GNAT3: variants seen among roughly 807,000 people sequenced by gnomAD.
GNAT3 encodes the protein G protein subunit alpha transducin 3.
A neutral mutation model predicts 37.7 loss-of-function variants in GNAT3; 31 were observed. The ratio of observed to expected loss-of-function variants is 0.82; its 90% CI spans 0.62 to 1.11. The LOEUF (loss-of-function observed/expected upper bound fraction) is 1.11, where lower values mean the gene tolerates loss of function less well. Among genes scored for constraint, GNAT3 ranks in the 50% most tolerant of loss-of-function variants. GNAT3 has a pLI of 0.00. For synonymous variants in GNAT3, 138 were observed against 139.8 expected, an observed-to-expected ratio of 0.99 and a Z score of 0.09; for missense variants, 437 against 412.5, an observed-to-expected ratio of 1.06 and a Z score of -0.51.
chr7:80,476,664 AG>A (rs1248730002), intron 4 of GNAT3, among the ~76,000 whole-genome samples: 1 of 151,810 alleles, frequency 6.6e-6, no homozygotes, highest in Non-Finnish European at 1.5e-5. Flanking sequence ...AAAAGAAAAA[AG>A]TGTTAGAGAC....
intron 1 of GNAT3, among the ~76,000 whole-genome samples, chr7:80,494,848 C>T (rs888641604): frequency 6.6e-6 from 1 of 151,976 alleles, no homozygotes; most frequent in East Asian, 1.9e-4. Flanking sequence ...GTGCATTGTA[C>T]CCAACAGGTA....
chr7:80,473,218 C>T (rs1000413162), intron 5 of GNAT3, among the ~76,000 whole-genome samples: 1 of 152,144 alleles, frequency 6.6e-6, no homozygotes, highest in Non-Finnish European at 1.5e-5. Flanking sequence ...ATCTTTGGCT[C>T]ATCTTTCAGA....
chr7:80,477,290 T>G (rs1271698135), intron 4 of GNAT3, among the ~76,000 whole-genome samples: 1 of 152,168 alleles, frequency 6.6e-6, no homozygotes, highest in East Asian at 1.9e-4. Flanking sequence ...CTAAGCAAGA[T>G]TTTATGGAAA....
At chr7:80,464,140 G>T (rs1014052986) in intron 5 of GNAT3, among the ~76,000 whole-genome samples, 4 of 149,288 alleles carry the variant, frequency 2.7e-5, no homozygotes, top group African/African-American at 9.7e-5. Context: ...ATATCCTATA[G>T]GATATCCAAA....
At chr7:80,503,101 A>T (rs997100039) in intron 1 of GNAT3, among the ~76,000 whole-genome samples, 1 of 152,126 alleles carries the variant, frequency 6.6e-6, no homozygotes, top group African/African-American at 2.4e-5. Context: ...TAGTTAAAAA[A>T]CCTATCAATA....
chr7:80,500,246 C>A (rs1003546813), intron 1 of GNAT3, among the ~76,000 whole-genome samples: 2 of 149,094 alleles, frequency 1.3e-5, no homozygotes, highest in African/African-American at 5.0e-5. Context: ...TTTTTTTGGC[C>A]TACACTCAGC....
chr7:80,488,672 T>G lies in GNAT3; in HGVS notation c.166A>C (p.Ile56Leu). The G allele has an allele frequency of 2.5e-6, 4 of 1,570,324 alleles. No homozygotes were observed. Among genetic ancestry groups the G allele is most frequent in the Non-Finnish European group, 3.5e-6 (4 of 1,154,458 alleles). Residue 56 changes from isoleucine (I) to leucine (L), a missense_variant, in exon 3 of 8, where the codon ATC becomes CTC. Ile to Leu is a conservative substitution (Grantham distance 5). Transcript: ENST00000398291. Reference sequence around the variant, plus strand: ...TGCTCACTGTAACCATTCTTATGGATGATCCTATAATTTAAACATGAAAAG... The same window carrying G: ...TGCTCACTGTAACCATTCTTATGGAGGATCCTATAATTTAAACATGAAAAG... ...KSTIVKQMKI[I>L]HKNGYSEQEC...
intron 1 of GNAT3, among the ~76,000 whole-genome samples, chr7:80,495,496 A>C (rs942677858): frequency 5.3e-5 from 8 of 150,718 alleles, no homozygotes; most frequent in African/African-American, 1.7e-4. Context: ...TTTGAGATCG[A>C]GTCCCACTCT....
chr7:80,487,653 T>C (rs1448610447), intron 3 of GNAT3: 2 of 152,176 alleles, frequency 1.3e-5, no homozygotes, highest in Non-Finnish European at 2.9e-5. Context: ...ATCCTTACTA[T>C]GCTTTTGCTC....
intron 2 of GNAT3, among the ~76,000 whole-genome samples, chr7:80,493,784 A>T (rs6966044): frequency 0.2 from 5,264 of 26,800 alleles, 288 homozygotes; most frequent in Middle Eastern, 0.36. Flanking sequence ...TTCCTCCTCC[A>T]CCTCTTTCCT....
At chr7:80,481,328 A>T (rs1302128009) in intron 3 of GNAT3, among the ~76,000 whole-genome samples, 1 of 152,102 alleles carries the variant, frequency 6.6e-6, no homozygotes, top group African/African-American at 2.4e-5. Context: ...TGGCCAACAG[A>T]ATTCCAAAGT....
At chr7:80,496,351 A>C (rs1411788374) in intron 1 of GNAT3, among the ~76,000 whole-genome samples, 2 of 151,996 alleles carry the variant, frequency 1.3e-5, no homozygotes, top group African/African-American at 4.8e-5. Context: ...GGCTAGTCTC[A>C]AACTCTTGGC....
At chr7:80,508,534 A>G (rs1790993059) in intron 1 of GNAT3, among the ~76,000 whole-genome samples, 1 of 152,026 alleles carries the variant, frequency 6.6e-6, no homozygotes, top group Non-Finnish European at 1.5e-5. Flanking sequence ...ATATCTTTGC[A>G]AGTAAATTTT....
At chr7:80,459,093 C>G (rs1185138391) in intron 7 of GNAT3, among the ~76,000 whole-genome samples, 1 of 151,944 alleles carries the variant, frequency 6.6e-6, no homozygotes. Flanking sequence ...GTAGAAATCC[C>G]AAAATATTTA....
At chr7:80,459,494 A>G (rs990380996) in intron 7 of GNAT3, among the ~76,000 whole-genome samples, 2 of 152,206 alleles carry the variant, frequency 1.3e-5, no homozygotes, top group Admixed American at 1.3e-4. Flanking sequence ...GCGATATAAA[A>G]GGCTATAGAG....
At chr7:80,504,383 A>T (rs1028245205) in intron 1 of GNAT3, among the ~76,000 whole-genome samples, 2 of 152,180 alleles carry the variant, frequency 1.3e-5, no homozygotes, top group Non-Finnish European at 1.5e-5. Context: ...TCTGTGAGGG[A>T]TAACTTTTTA....
intron 1 of GNAT3, among the ~76,000 whole-genome samples, chr7:80,503,338 T>C (rs1790871694): frequency 6.6e-6 from 1 of 152,166 alleles, no homozygotes; most frequent in Non-Finnish European, 1.5e-5. Flanking sequence ...TTCTTTGTTC[T>C]CATAGAAATT....
At chr7:80,472,254 C>T (rs1013045526) in intron 5 of GNAT3, among the ~76,000 whole-genome samples, 5 of 152,184 alleles carry the variant, frequency 3.3e-5, no homozygotes, top group African/African-American at 7.2e-5. Context: ...GTGACATCAC[C>T]TTGGTTGACT....
chr7:80,484,053 A>G (rs1234906658), intron 3 of GNAT3, among the ~76,000 whole-genome samples: 2 of 152,082 alleles, frequency 1.3e-5, no homozygotes, highest in Non-Finnish European at 2.9e-5. Context: ...TACATGTGCT[A>G]TGGTGGTTTC....
Sources: gnomAD v4.1 joint callset for allele counts (sites outside exome capture counted in the v4.1 genomes callset) on GRCh38, gnomAD v4.1.1 for gene constraint, MANE v1.5 for transcripts, NCBI Gene and HGNC (gene_info 2026-07-23, HGNC 2026-07-21) for gene names.